CDH3: variants seen among roughly 807,000 people sequenced by gnomAD.
The protein encoded by CDH3 is cadherin 3, also known as cadherin-3.
Under a neutral mutation model 82.0 loss-of-function variants are expected in CDH3, and 54 were observed. The ratio of observed to expected loss-of-function variants is 0.66; its 90% CI spans 0.53 to 0.83. The LOEUF is 0.83. CDH3 is among the 40% of genes least tolerant of loss of function. The pLI is 0.00. For missense variants in CDH3, 1,054 were observed against 1,084.6 expected (o/e 0.97, Z 0.40); for synonymous variants, 446 against 437.9 (o/e 1.02, Z -0.23).
chr16:68,701,853 G>A (rs577740267), downstream of CDH3, among the ~76,000 whole-genome samples: 2 of 150,694 alleles, frequency 1.3e-5, no homozygotes, highest in Admixed American at 6.6e-5. Flanking sequence ...GTGAAATCTC[G>A]TCTCTACTAA....
chr16:68,650,095 G>A (rs926133603), intron 2 of CDH3, among the ~76,000 whole-genome samples: 4 of 151,868 alleles, frequency 2.6e-5, no homozygotes, highest in African/African-American at 9.7e-5. Flanking sequence ...AGGGGGTCAG[G>A]TTTAGCCCCA....
intron 2 of CDH3, among the ~76,000 whole-genome samples, chr16:68,663,311 G>A (rs1390437357): frequency 2.7e-5 from 4 of 147,704 alleles, no homozygotes; most frequent in South Asian, 2.2e-4. Flanking sequence ...TGCAACCTCC[G>A]TCTCTGCCTC....
At chr16:68,712,043 T>C (rs952615783) in intron 1 of CDH3, among the ~76,000 whole-genome samples, 6 of 145,928 alleles carry the variant, frequency 4.1e-5, no homozygotes, top group African/African-American at 1.5e-4. Flanking sequence ...TTTTCTTTTT[T>C]TTTTTTTTTT....
At chr16:68,723,604 T>C (rs1023491486) in intron 2 of CDH3, among the ~76,000 whole-genome samples, 3 of 152,178 alleles carry the variant, frequency 2.0e-5, no homozygotes, top group Admixed American at 6.6e-5. Flanking sequence ...CGTCAATTCC[T>C]TACACTATGT....
At chr16:68,719,552 G>C (rs577897938) in intron 1 of CDH3, among the ~76,000 whole-genome samples, 4 of 125,976 alleles carry the variant, frequency 3.2e-5, no homozygotes, top group Non-Finnish European at 6.3e-5. Flanking sequence ...CTGTCACCCA[G>C]GCTGGAGTGC....
At chr16:68,732,253 C>A (rs551486326), downstream of CDH3, among the ~76,000 whole-genome samples, 66 of 152,250 alleles carry the variant, frequency 4.3e-4, no homozygotes, top group African/African-American at 1.4e-3. Flanking sequence ...TAATCCCTAG[C>A]AATTCCAGTT....
intron 2 of CDH3, among the ~76,000 whole-genome samples, chr16:68,723,790 C>T (rs995824818): frequency 7.2e-5 from 11 of 151,930 alleles, no homozygotes; most frequent in African/African-American, 2.7e-4. Flanking sequence ...GGGTGTGAGG[C>T]CGGGCGCGGT....
intron 12 of CDH3, among the ~76,000 whole-genome samples, chr16:68,688,657 C>T (rs1327928657): frequency 6.6e-6 from 1 of 152,076 alleles, no homozygotes; most frequent in African/African-American, 2.4e-5. Flanking sequence ...GACGGAGTCT[C>T]ACTCTGTCTC....
intron 2 of CDH3, among the ~76,000 whole-genome samples, chr16:68,658,835 C>CTT (rs1156975870): frequency 6.6e-6 from 1 of 152,176 alleles, no homozygotes; most frequent in African/African-American, 2.4e-5. Context: ...CTTTTGGCCT[C>CTT]TGAGTCAGTA....
rs754331494 is a variant in CDH3 at position 68,679,880 on chromosome 16, A to G, written c.773A>G (p.His258Arg). 3.1e-6 allele frequency: 5 copies of G among 1,613,844 alleles called. No individual in the cohort carries two copies. The highest frequency in any genetic ancestry group is 1.1e-5 in the South Asian group (1 of 91,078). ...TYNGVVAYSI[H>R]SQEPKDPHDL... ...AATGGGGTGGTTGCTTACTCCATCC[A>G]TAGCCAAGAACCAAAGGACCCACAC... Residue 258 changes from histidine to arginine, a missense_variant, in exon 7 of 16, where the codon CAT becomes CGT. Physicochemically the swap from His to Arg is conservative, Grantham distance 29. Coordinates refer to ENST00000264012, the MANE Select transcript of CDH3 (RefSeq NM_001793.6).
At chr16:68,675,434 G>T (rs1419444847) in intron 2 of CDH3, among the ~76,000 whole-genome samples, 1 of 152,186 alleles carries the variant, frequency 6.6e-6, no homozygotes, top group Non-Finnish European at 1.5e-5. Flanking sequence ...AACAACGTTG[G>T]TTGTGAATAT....
At chr16:68,677,456 G>T (rs1450622423) in intron 3 of CDH3, among the ~76,000 whole-genome samples, 1 of 152,224 alleles carries the variant, frequency 6.6e-6, no homozygotes, top group Non-Finnish European at 1.5e-5. Context: ...TCAAAAATCA[G>T]GCCGAATGCG....
intron 2 of CDH3, among the ~76,000 whole-genome samples, chr16:68,671,563 C>T (rs1165272576): frequency 3.1e-5 from 4 of 128,046 alleles, no homozygotes; most frequent in African/African-American, 1.1e-4. Context: ...GCTCTGTTGT[C>T]CAGGCTGGAG....
At chr16:68,683,544 T>A (rs945236322) in intron 9 of CDH3, among the ~76,000 whole-genome samples, 1 of 139,328 alleles carries the variant, frequency 7.2e-6, no homozygotes, top group South Asian at 2.3e-4. Flanking sequence ...CCCAGCTACT[T>A]GGGAGGCTGA....
chr16:68,733,076 GA>G, the CDH3 span, among the ~76,000 whole-genome samples: 1 of 152,114 alleles, frequency 6.6e-6, no homozygotes, highest in African/African-American at 2.4e-5. Flanking sequence ...GTGTTTACAA[GA>G]ACCTTATGAA....
intron 2 of CDH3, among the ~76,000 whole-genome samples, chr16:68,656,208 A>G (rs1162084346): frequency 2.0e-5 from 3 of 151,888 alleles, no homozygotes; most frequent in Non-Finnish European, 4.4e-5. Flanking sequence ...CAGTTGTACC[A>G]GTATGGAGAC....
chr16:68,728,386 C>T (rs190907770), downstream of CDH3, among the ~76,000 whole-genome samples: 17 of 152,094 alleles, frequency 1.1e-4, 1 homozygote, highest in South Asian at 2.5e-3. Context: ...AGGATGGTCT[C>T]GATCTCCTGA....
rs1961086328 is a variant in CDH3 at position 68,678,131 on chromosome 16, C to A, written c.247-3C>A. On this transcript the variant is annotated splice_region_variant and splice_polypyrimidine_tract_variant and intron_variant, in intron 3 of 15. Coordinates refer to ENST00000264012, the MANE Select transcript of CDH3 (RefSeq NM_001793.6). ...CTGGGTTAAGGAGTTTCTCTCCTTG[C>A]AGGAAAGAAGGTCACTGAAGGAAAG... is the stretch of plus-strand genomic sequence containing the variant. 2 of 1,612,588 alleles carry A rather than the reference C, an allele frequency of 1.2e-6. No homozygotes were observed. Among genetic ancestry groups the A allele is most frequent in the Non-Finnish European group, 1.7e-6 (2 of 1,178,618 alleles).
chr16:68,655,602 G>T (rs1960392367), intron 2 of CDH3, among the ~76,000 whole-genome samples: 1 of 152,164 alleles, frequency 6.6e-6, no homozygotes, highest in Non-Finnish European at 1.5e-5. Flanking sequence ...CTAGCACTTT[G>T]GGAAGCCGAG....
Sources: allele counts gnomAD v4.1 joint callset (sites outside exome capture counted in the v4.1 genomes callset), GRCh38; gene constraint gnomAD v4.1.1; transcripts MANE v1.5; gene names NCBI Gene and HGNC (gene_info 2026-07-23, HGNC 2026-07-21).